The following MINAR1 variants were observed in gnomAD, a reference collection of about 807,000 sequenced individuals.
The protein encoded by MINAR1 is membrane integral NOTCH2 associated receptor 1.
A neutral mutation model predicts 65.1 loss-of-function variants in MINAR1; 40 were observed. The ratio of observed to expected loss-of-function variants is 0.61; its 90% CI spans 0.48 to 0.80. The LOEUF is 0.80. MINAR1 is among the 30% of genes least tolerant of loss of function. MINAR1 has a pLI of 0.00. For synonymous variants in MINAR1, 482 were observed against 449.1 expected (o/e 1.07, Z -0.93); for missense variants, 1,128 against 1,148.0 (o/e 0.98, Z 0.25).
chr15:79,459,696 A>C (rs1415615547), intron 2 of MINAR1, among the ~76,000 whole-genome samples: 1 of 152,314 alleles, frequency 6.6e-6, no homozygotes, highest in African/African-American at 2.4e-5. Context: ...CTGGGTTTTA[A>C]GGAAATTTTC....
intron 1 of MINAR1, among the ~76,000 whole-genome samples, chr15:79,436,984 G>A (rs1595927857): frequency 6.6e-6 from 1 of 152,326 alleles, no homozygotes; most frequent in African/African-American, 2.4e-5. Flanking sequence ...ACCTTCAGTG[G>A]CTCATGTGAT....
At chr15:79,451,792 CTG>C (rs1195932326) in intron 1 of MINAR1, among the ~76,000 whole-genome samples, 1 of 152,114 alleles carries the variant, frequency 6.6e-6, no homozygotes, top group African/African-American at 2.4e-5. Context: ...GCTGCAGTGG[CTG>C]TGTTTGCAGG....
chr15:79,457,194 A>G lies in MINAR1; in HGVS notation c.1047A>G (p.Gln349=), dbSNP rs1895461192. 6.2e-7 allele frequency: 1 copy of G among 1,614,152 alleles called. No individual in the cohort carries two copies. Among genetic ancestry groups the G allele is most frequent in the Non-Finnish European group, 8.5e-7 (1 of 1,180,012 alleles). ...YFGPTPVMGT[Q]EARRCLGKPN... is the part of the protein sequence containing the mutation. ...GGCCCACTCCCGTGATGGGAACCCA[A>G]GAAGCCAGGCGCTGTCTAGGGAAGC... Residue 349 remains glutamine, a synonymous_variant, in exon 2 of 4, where the codon CAA becomes CAG. Transcript: ENST00000305428.
intron 2 of MINAR1, 42 bp downstream of exon 2, chr15:79,458,487 T>C (rs757616223): frequency 6.3e-7 from 1 of 1,584,010 alleles, no homozygotes; most frequent in South Asian, 1.2e-5. Context: ...ACCAGCTTCA[T>C]CATAGCCCTG....
At position 79,450,739 on chromosome 15, in the gene MINAR1, C is replaced by T. The variant is rs151034510; in HGVS notation, c.-50-5359C>T. 3.1e-3 allele frequency among the ~76,000 whole-genome samples: 469 copies of T among 151,926 alleles called. 5 individuals are homozygous for T. Among genetic ancestry groups the T allele is most frequent in the African/African-American group, 0.011 (452 of 41,476 alleles). ...TGTAAAACTTGAGAGGCCAGAATCC[C>T]GCTTTAGGCAGGCGTCTCTTGCTCT... On this transcript the variant is annotated intron_variant, in intron 1 of 3. Coordinates refer to ENST00000305428, the MANE Select transcript of MINAR1 (RefSeq NM_015206.3).
intron 1 of MINAR1, among the ~76,000 whole-genome samples, chr15:79,437,577 G>A (rs1421925964): frequency 6.7e-6 from 1 of 149,496 alleles, no homozygotes; most frequent in East Asian, 2.0e-4. Context: ...TGTGGGTGTG[G>A]ATGGGTAGTG....
At chr15:79,425,257 C>T in the MINAR1 span, 9 of 152,314 alleles carry the variant, frequency 5.9e-5, no homozygotes, top group South Asian at 1.9e-3. Flanking sequence ...CCAGGCTGGT[C>T]TTGAACTCCT....
At position 79,458,443 on chromosome 15, in the gene MINAR1, G is replaced by C; in HGVS notation, c.2296G>C (p.Glu766Gln). ...TAAAGACTGGCATCGGAAATCTAAA[G>C]AGGTAATTTAAATTTAAGTTCACAT... ...DNKDWHRKSK[E>Q]ADRQYDIPPQ... is the part of the protein sequence containing the mutation. The change falls in exon 2 of 4, where the codon GAG (glutamate) becomes CAG (glutamine). Residue 766 changes from glutamate to glutamine, a missense_variant and splice_region_variant. Transcript: ENST00000305428. The C allele has an allele frequency of 6.2e-7, 1 of 1,608,582 alleles. No homozygotes were observed. Among genetic ancestry groups the C allele is most frequent in the Non-Finnish European group, 8.5e-7 (1 of 1,176,656 alleles).
At chr15:79,421,915 T>C in the MINAR1 span, 533 of 152,330 alleles carry the variant, frequency 3.5e-3, 5 homozygotes, top group Non-Finnish European at 3.5e-3. Context: ...TGAAGCTAGT[T>C]TGACGTGGAG....
the MINAR1 span, chr15:79,418,653 G>A: frequency 6.6e-6 from 1 of 152,294 alleles, no homozygotes; most frequent in Non-Finnish European, 1.5e-5. Flanking sequence ...ACAGAGAAAT[G>A]GGGATAACAT....
At chr15:79,461,946 G>C (rs527983257) in intron 2 of MINAR1, among the ~76,000 whole-genome samples, 1 of 152,156 alleles carries the variant, frequency 6.6e-6, no homozygotes, top group Non-Finnish European at 1.5e-5. Context: ...GTGTGCCCAC[G>C]TTCTTGCACA....
At chr15:79,436,054 G>A (rs1894590279) in intron 1 of MINAR1, among the ~76,000 whole-genome samples, 1 of 152,216 alleles carries the variant, frequency 6.6e-6, no homozygotes, top group Admixed American at 6.5e-5. Flanking sequence ...CTGTTTCAGT[G>A]GTAGTTAAGT....
intron 3 of MINAR1, among the ~76,000 whole-genome samples, chr15:79,465,263 TTTTTC>T (rs905806702): frequency 2.0e-5 from 3 of 152,072 alleles, no homozygotes; most frequent in Non-Finnish European, 4.4e-5. Flanking sequence ...AGCACAACCT[TTTTTC>T]TTTTCATCTC....
Position 79,472,280 on chromosome 15 carries a change from G to A in MINAR1, c.*3896G>A, listed in dbSNP as rs1250331086. On this transcript the variant is annotated 3_prime_UTR_variant, in exon 4 of 4. Coordinates refer to ENST00000305428, the MANE Select transcript of MINAR1 (RefSeq NM_015206.3). ...AAATTGGCCTCTCCAAATATAATCA[G>A]AAATAAACCGAAAAAAATATAAAAT... is the stretch of plus-strand genomic sequence containing the variant. 1.3e-5 allele frequency: 2 copies of A among 152,260 alleles called. No individual in the cohort carries two copies. Among genetic ancestry groups the A allele is most frequent in the African/African-American group, 4.8e-5 (2 of 41,388 alleles). 9.4% of individuals were successfully genotyped at this position (152,260 alleles called of 1,614,324 possible).
rs2141292785 is a variant in MINAR1 at position 79,456,070 on chromosome 15, CCTCTCTTT to C, written c.-50-24_-50-17del. ...CTGGTGTTTATAATCCTCTTTTCCT[CCTCTCTTT>C]CTCAATATTGCCACCACAGAACTGA... is the stretch of plus-strand genomic sequence containing the variant. On this transcript the variant is annotated intron_variant, in intron 1 of 3. Transcript: ENST00000305428. 2 of 1,426,670 alleles carry C rather than the reference CCTCTCTTT, an allele frequency of 1.4e-6. No individual in the cohort carries two copies. Among genetic ancestry groups the C allele is most frequent in the Admixed American group, 4.0e-5 (2 of 49,976 alleles). The allele number at this position is 1,426,670 out of a possible 1,614,324, so 88.4% of individuals were successfully genotyped here.
intron 1 of MINAR1, among the ~76,000 whole-genome samples, chr15:79,453,552 C>T (rs7165445): frequency 0.27 from 40,549 of 151,992 alleles, 6,327 homozygotes; most frequent in East Asian, 0.55. Context: ...CTACAGAGCC[C>T]GGAAACAGAT....
chr15:79,463,094 C>A lies in MINAR1; in HGVS notation c.2326C>A (p.Gln776Lys), dbSNP rs1183984804. Residue 776 changes from glutamine to lysine, a missense_variant, in exon 3 of 4, where the codon CAG becomes AAG. Coordinates refer to ENST00000305428, the MANE Select transcript of MINAR1 (RefSeq NM_015206.3). ...EADRQYDIPP[Q>K]HRLPKQPKDG... is the part of the protein sequence containing the mutation. ...AGACAGGCAGTACGACATTCCCCCA[C>A]AGCACCGACTGCCCAAGCAGCCCAA... The A allele has an allele frequency of 6.2e-7, 1 of 1,613,942 alleles. No individual in the cohort carries two copies. Among genetic ancestry groups the A allele is most frequent in the South Asian group, 1.1e-5 (1 of 91,078 alleles).
intron 1 of MINAR1, among the ~76,000 whole-genome samples, chr15:79,448,084 A>G (rs1371282366): frequency 6.6e-6 from 1 of 152,212 alleles, no homozygotes. Context: ...CTGGGCATTT[A>G]GCTTGCTCTC....
chr15:79,445,818 G>A (rs1048978930), intron 1 of MINAR1, among the ~76,000 whole-genome samples: 6 of 152,156 alleles, frequency 3.9e-5, no homozygotes, highest in Admixed American at 3.9e-4. Flanking sequence ...AAAGTGCTGG[G>A]ATTACAGGCG....
Sources: gnomAD v4.1 joint callset for allele counts (sites outside exome capture counted in the v4.1 genomes callset) on GRCh38, gnomAD v4.1.1 for gene constraint, MANE v1.5 for transcripts, NCBI Gene and HGNC (gene_info 2026-07-23, HGNC 2026-07-21) for gene names.